The following PACRG variants were observed in gnomAD, a reference collection of about 807,000 sequenced individuals.
PACRG encodes parkin coregulated, also known as parkin coregulated gene protein.
In PACRG, 29 loss-of-function variants were observed where a neutral mutation model predicts 29.7. That is an observed-to-expected ratio of 0.98 (90% CI 0.73 to 1.33). PACRG has a LOEUF of 1.33. Ranked by LOEUF, PACRG falls within the 40% of genes most tolerant of loss-of-function variation. The pLI, the probability that PACRG is intolerant of heterozygous loss-of-function variation, is 0.00. For synonymous variants in PACRG, 116 were observed against 118.7 expected, an observed-to-expected ratio of 0.98 and a Z score of 0.15; for missense variants, 279 against 316.2, an observed-to-expected ratio of 0.88 and a Z score of 0.89.
At chr6:163,046,475 C>G (rs755992536) in intron 2 of PACRG, 1 of 151,574 alleles carries the variant, frequency 6.6e-6, no homozygotes, top group African/African-American at 2.4e-5. Flanking sequence ...TATAATAACC[C>G]CAGGAATTAG....
chr6:162,780,729 T>G (rs1784032795), intron 1 of PACRG, among the ~76,000 whole-genome samples: 1 of 152,084 alleles, frequency 6.6e-6, no homozygotes, highest in African/African-American at 2.4e-5. Flanking sequence ...AAATCAATTT[T>G]TAGAGTTGGG....
At chr6:162,755,125 A>G (rs1048884564) in intron 1 of PACRG, among the ~76,000 whole-genome samples, 1 of 152,078 alleles carries the variant, frequency 6.6e-6, no homozygotes, top group South Asian at 2.1e-4. Context: ...TTTTTGTAGT[A>G]TCATTCGTGA....
chr6:162,826,282 A>G (rs1334205306), intron 2 of PACRG, among the ~76,000 whole-genome samples: 1 of 152,166 alleles, frequency 6.6e-6, no homozygotes, highest in Non-Finnish European at 1.5e-5. Flanking sequence ...GAACATAGCA[A>G]AACTTGGGTT....
intron 2 of PACRG, among the ~76,000 whole-genome samples, chr6:162,903,332 T>A (rs1795687431): frequency 6.8e-6 from 1 of 147,604 alleles, no homozygotes; most frequent in African/African-American, 2.7e-5. Flanking sequence ...GTTAATAATT[T>A]AAATACCCAA....
intron 4 of PACRG, among the ~76,000 whole-genome samples, chr6:163,201,271 T>C (rs1403876035): frequency 6.6e-6 from 1 of 152,218 alleles, no homozygotes; most frequent in Non-Finnish European, 1.5e-5. Context: ...ATATATTATA[T>C]CAATTCTTAA....
intron 3 of PACRG, among the ~76,000 whole-genome samples, chr6:163,071,033 C>G (rs904896177): frequency 6.6e-6 from 1 of 151,894 alleles, no homozygotes; most frequent in Non-Finnish European, 1.5e-5. Context: ...ACTGGAGCAC[C>G]CAGATAGGTA....
chr6:163,126,910 C>T (rs1426038158), intron 4 of PACRG, among the ~76,000 whole-genome samples: 1 of 152,168 alleles, frequency 6.6e-6, no homozygotes, highest in Non-Finnish European at 1.5e-5. Flanking sequence ...CACTGCTGGC[C>T]AGGTCAGATG....
chr6:163,315,126 A>G lies in PACRG; in HGVS notation c.*139A>G. The G allele has an allele frequency of 1.0e-6, 1 of 972,384 alleles. No homozygotes were observed. The highest frequency in any genetic ancestry group is 1.5e-6 in the Non-Finnish European group (1 of 661,478). The allele number at this position is 972,384 out of a possible 1,614,324, so 60.2% of individuals were successfully genotyped here. A position where few individuals can be genotyped will look rare whatever the true frequency, so the allele number is the denominator to read the frequency against. ...AAAATAGTGGCTTATGGGCCATTGG[A>G]CTGTTAGCCCTATTGAGAGCAAGGC... On this transcript the variant is annotated 3_prime_UTR_variant, in exon 5 of 5. Transcript: ENST00000366888.
intron 2 of PACRG, among the ~76,000 whole-genome samples, chr6:162,822,334 T>A (rs933660754): frequency 2.0e-5 from 3 of 152,210 alleles, no homozygotes; most frequent in African/African-American, 7.2e-5. Flanking sequence ...CATGGTATGG[T>A]GCCCAACCAC....
intron 2 of PACRG, among the ~76,000 whole-genome samples, chr6:162,922,428 G>GT (rs755160894): frequency 6.6e-6 from 1 of 151,462 alleles, no homozygotes; most frequent in Non-Finnish European, 1.5e-5. Context: ...ATTGCCACGT[G>GT]TAAGGAACAT....
intron 4 of PACRG, among the ~76,000 whole-genome samples, chr6:163,139,121 C>A (rs1817052387): frequency 6.6e-6 from 1 of 152,348 alleles, no homozygotes; most frequent in Admixed American, 6.5e-5. Context: ...CTTCACTGGG[C>A]CGAAGGCAAG....
chr6:162,799,285 A>C (rs902207846), intron 1 of PACRG, among the ~76,000 whole-genome samples: 1 of 152,218 alleles, frequency 6.6e-6, no homozygotes, highest in East Asian at 1.9e-4. Context: ...ATGCATTACT[A>C]TCTTTATTTA....
At chr6:163,300,235 T>C (rs1055017553) in intron 4 of PACRG, among the ~76,000 whole-genome samples, 7 of 152,160 alleles carry the variant, frequency 4.6e-5, no homozygotes, top group African/African-American at 1.7e-4. Context: ...TTTGCCTCAG[T>C]TTACTCGGCG....
chr6:162,782,867 T>C (rs1301295619), intron 1 of PACRG, among the ~76,000 whole-genome samples: 1 of 151,866 alleles, frequency 6.6e-6, no homozygotes, highest in African/African-American at 2.4e-5. Context: ...TACTAAGAGA[T>C]TTTAAATATT....
At chr6:162,813,241 A>C (rs1250852853) in intron 1 of PACRG, among the ~76,000 whole-genome samples, 1 of 151,980 alleles carries the variant, frequency 6.6e-6, no homozygotes, top group Non-Finnish European at 1.5e-5. Context: ...GTCTATAGTT[A>C]GTATTAGCAA....
intron 2 of PACRG, among the ~76,000 whole-genome samples, chr6:162,979,122 C>T (rs762994245): frequency 7.2e-5 from 11 of 152,180 alleles, no homozygotes; most frequent in South Asian, 2.1e-4. Context: ...TTTCTTAGGA[C>T]GAATATGTTT....
Position 163,206,103 on chromosome 6 carries a change from T to G in PACRG, c.614-108724T>G, listed in dbSNP as rs118170688. ...GCAGAGAAAAGAGAATGCTATACAC[T>G]GCTGGTGGGGGAGTGTAAATTAGTT... is the stretch of plus-strand genomic sequence containing the variant. On this transcript the variant is annotated intron_variant, in intron 4 of 4. Coordinates refer to ENST00000366888, the MANE Select transcript of PACRG (RefSeq NM_001080379.2). Among the ~76,000 whole-genome samples, 747 of 152,336 alleles carry G rather than the reference T, an allele frequency of 4.9e-3. 8 individuals are homozygous for G. Among genetic ancestry groups the G allele is most frequent in the Non-Finnish European group, 6.0e-3 (411 of 68,030 alleles).
chr6:163,266,354 G>A (rs1401760732), intron 4 of PACRG, among the ~76,000 whole-genome samples: 4 of 152,226 alleles, frequency 2.6e-5, no homozygotes, highest in Admixed American at 2.6e-4. Flanking sequence ...TAATGAAATA[G>A]AGGGGAGCGG....
intron 1 of PACRG, among the ~76,000 whole-genome samples, chr6:162,747,069 C>A (rs1479576161): frequency 6.6e-6 from 1 of 151,620 alleles, no homozygotes; most frequent in East Asian, 2.0e-4. Context: ...AGTATTGATC[C>A]TGGGTGTGTC....
Sources: allele counts gnomAD v4.1 joint callset (sites outside exome capture counted in the v4.1 genomes callset), GRCh38; gene constraint gnomAD v4.1.1; transcripts MANE v1.5; gene names NCBI Gene and HGNC (gene_info 2026-07-23, HGNC 2026-07-21).